The following B3GALT1 variants were observed in gnomAD, a reference collection of about 807,000 sequenced individuals.
The protein encoded by B3GALT1 is beta-1,3-galactosyltransferase 1, also known as UDP-Gal:betaGlcNAc beta 1,3-galactosyltransferase, polypeptide 1.
Under a neutral mutation model 23.2 loss-of-function variants are expected in B3GALT1, and 10 were observed. That is an observed-to-expected ratio of 0.43 (90% CI 0.27 to 0.73). B3GALT1 has a LOEUF of 0.73. B3GALT1 is among the 30% of genes least tolerant of loss of function. The probability of loss-of-function intolerance (pLI) is 0.21; values close to 1 mark genes in which losing one functional copy is unlikely to be tolerated. For missense variants in B3GALT1, 299 were observed against 405.4 expected, an observed-to-expected ratio of 0.74 and a Z score of 2.25; for synonymous variants, 156 against 141.5, an observed-to-expected ratio of 1.10 and a Z score of -0.73.
At chr2:167,838,513 G>A (rs1689546497) in intron 4 of B3GALT1, among the ~76,000 whole-genome samples, 1 of 152,266 alleles carries the variant, frequency 6.6e-6, no homozygotes, top group Admixed American at 6.5e-5. Flanking sequence ...AATAACAGGA[G>A]CTGCAATTGT....
chr2:167,389,768 C>T (rs140493004), intron 1 of B3GALT1, among the ~76,000 whole-genome samples: 427 of 151,994 alleles, frequency 2.8e-3, no homozygotes, highest in African/African-American at 9.7e-3. Flanking sequence ...ACATACTGGC[C>T]GGGCAGGGTG....
chr2:167,839,828 G>C (rs13416176), intron 4 of B3GALT1, among the ~76,000 whole-genome samples: 4,499 of 152,088 alleles, frequency 0.03, 123 homozygotes, highest in African/African-American at 0.1. Flanking sequence ...TACCAAAACA[G>C]AGATATAGAT....
At chr2:167,689,854 G>A (rs1686681632) in intron 3 of B3GALT1, among the ~76,000 whole-genome samples, 1 of 152,136 alleles carries the variant, frequency 6.6e-6, no homozygotes, top group Non-Finnish European at 1.5e-5. Context: ...GGAAAGAGAG[G>A]TTTTGTTAAG....
At chr2:167,640,603 AC>A (rs763142482) in intron 2 of B3GALT1, among the ~76,000 whole-genome samples, 1 of 151,986 alleles carries the variant, frequency 6.6e-6, no homozygotes, top group Non-Finnish European at 1.5e-5. Context: ...TATTGTGCAG[AC>A]CAGAAGTCTG....
At chr2:167,644,320 C>A (rs190547955) in intron 2 of B3GALT1, among the ~76,000 whole-genome samples, 2 of 152,100 alleles carry the variant, frequency 1.3e-5, no homozygotes, top group East Asian at 1.9e-4. Context: ...AACAAAAAAA[C>A]CTCATTATAT....
intron 2 of B3GALT1, among the ~76,000 whole-genome samples, chr2:167,567,014 A>G (rs1464771500): frequency 6.6e-6 from 1 of 152,204 alleles, no homozygotes. Context: ...TAGCACAGAG[A>G]ATTACATTTT....
chr2:167,369,195 G>A (rs1345424709), intron 1 of B3GALT1, among the ~76,000 whole-genome samples: 1 of 151,864 alleles, frequency 6.6e-6, no homozygotes, highest in African/African-American at 2.4e-5. Flanking sequence ...TATAAAATAT[G>A]TGCAGGCCCT....
At chr2:167,857,884 AATG>A (rs1481160917) in intron 4 of B3GALT1, among the ~76,000 whole-genome samples, 2 of 152,102 alleles carry the variant, frequency 1.3e-5, no homozygotes, top group East Asian at 3.9e-4. Flanking sequence ...TAAGTGATTA[AATG>A]ATGATTCTCT....
At chr2:167,758,735 G>A (rs1056397475) in intron 3 of B3GALT1, among the ~76,000 whole-genome samples, 2 of 152,052 alleles carry the variant, frequency 1.3e-5, no homozygotes, top group Non-Finnish European at 2.9e-5. Context: ...AACTCTCAGG[G>A]AGCAGATTGA....
chr2:167,823,555 C>CG (rs1361315644), intron 4 of B3GALT1, among the ~76,000 whole-genome samples: 1 of 152,136 alleles, frequency 6.6e-6, no homozygotes. Flanking sequence ...TTTGGTATAG[C>CG]GAACAAAAGG....
At chr2:167,549,878 A>T (rs927090675) in intron 2 of B3GALT1, among the ~76,000 whole-genome samples, 25 of 152,206 alleles carry the variant, frequency 1.6e-4, no homozygotes, top group African/African-American at 6.0e-4. Flanking sequence ...TTGAGGAAAA[A>T]AAATACTTCG....
chr2:167,531,385 C>G (rs1683324279), intron 2 of B3GALT1, among the ~76,000 whole-genome samples: 1 of 152,036 alleles, frequency 6.6e-6, no homozygotes, highest in Admixed American at 6.6e-5. Context: ...GTAGTCTTTT[C>G]TTTTTTTCAT....
intron 2 of B3GALT1, among the ~76,000 whole-genome samples, chr2:167,564,513 G>A (rs1025946883): frequency 1.3e-5 from 2 of 152,158 alleles, no homozygotes; most frequent in African/African-American, 4.8e-5. Flanking sequence ...AAGGCAGGAC[G>A]CCGGGAGGTG....
At chr2:167,427,393 GT>G (rs1698639168) in intron 1 of B3GALT1, among the ~76,000 whole-genome samples, 1 of 152,068 alleles carries the variant, frequency 6.6e-6, no homozygotes, top group African/African-American at 2.4e-5. Flanking sequence ...CCTTATAAAT[GT>G]TAATATTTAT....
chr2:167,769,354 T>C (rs973864079), intron 3 of B3GALT1, among the ~76,000 whole-genome samples: 2 of 152,220 alleles, frequency 1.3e-5, no homozygotes, highest in African/African-American at 4.8e-5. Context: ...AGTCTTATGC[T>C]GAGTTACATC....
intron 1 of B3GALT1, among the ~76,000 whole-genome samples, chr2:167,410,210 A>G (rs1698369362): frequency 6.6e-6 from 1 of 152,100 alleles, no homozygotes; most frequent in African/African-American, 2.4e-5. Context: ...CTCACTCATA[A>G]GTGGGAGTTG....
At chr2:167,823,451 A>G (rs1022066292) in intron 4 of B3GALT1, among the ~76,000 whole-genome samples, 1 of 152,212 alleles carries the variant, frequency 6.6e-6, no homozygotes, top group Non-Finnish European at 1.5e-5. Context: ...TGAAAAGTGG[A>G]GGCTACTCTA....
intron 3 of B3GALT1, among the ~76,000 whole-genome samples, chr2:167,796,688 T>C (rs1310357270): frequency 6.6e-6 from 1 of 152,182 alleles, no homozygotes; most frequent in Non-Finnish European, 1.5e-5. Flanking sequence ...GAGGCGGATG[T>C]TGCAGTGAGC....
intron 1 of B3GALT1, among the ~76,000 whole-genome samples, chr2:167,451,399 G>A (rs1699088608): frequency 6.6e-6 from 1 of 152,028 alleles, no homozygotes; most frequent in Non-Finnish European, 1.5e-5. Flanking sequence ...CCTTGATGTA[G>A]TACTCTCCCC....
Sources: allele counts gnomAD v4.1 joint callset (sites outside exome capture counted in the v4.1 genomes callset), GRCh38; gene constraint gnomAD v4.1.1; transcripts MANE v1.5; gene names NCBI Gene and HGNC (gene_info 2026-07-23, HGNC 2026-07-21).